Variants in GMDS observed in about 807,000 individuals in gnomAD.
GMDS encodes GDP-mannose 4,6-dehydratase, also known as GDP-mannose 4,6 dehydratase.
GMDS carries 20 observed loss-of-function variants against 49.9 expected under a neutral mutation model. The observed-to-expected ratio is 0.40, with a 90% CI of 0.28 to 0.58. The LOEUF (loss-of-function observed/expected upper bound fraction) is 0.58, where lower values mean the gene tolerates loss of function less well. GMDS is among the 20% of genes least tolerant of loss of function. The pLI is 0.42. For synonymous variants in GMDS, 177 were observed against 178.6 expected, an observed-to-expected ratio of 0.99 and a Z score of 0.07; for missense variants, 362 against 481.4, an observed-to-expected ratio of 0.75 and a Z score of 2.32.
intron 9 of GMDS, among the ~76,000 whole-genome samples, chr6:1,668,774 A>G (rs1180665478): frequency 1.3e-5 from 2 of 152,044 alleles, no homozygotes; most frequent in African/African-American, 4.8e-5. Context: ...AAAACAGAAC[A>G]CTCTCCATTA....
intron 6 of GMDS, among the ~76,000 whole-genome samples, chr6:1,957,929 A>T (rs987993225): frequency 1.3e-5 from 2 of 151,760 alleles, no homozygotes; most frequent in African/African-American, 2.4e-5. Context: ...CAGCTTCCCG[A>T]GTAGCTAGGA....
chr6:2,118,498 A>T (rs952928429), intron 2 of GMDS, among the ~76,000 whole-genome samples: 5 of 152,210 alleles, frequency 3.3e-5, no homozygotes, highest in African/African-American at 9.7e-5. Flanking sequence ...TTCTATTTCA[A>T]ACCAAAATTA....
intron 4 of GMDS, among the ~76,000 whole-genome samples, chr6:2,052,960 G>A (rs940354491): frequency 9.2e-5 from 14 of 152,130 alleles, no homozygotes; most frequent in African/African-American, 9.7e-5. Context: ...ACTTCTCATC[G>A]TTAGGAAACT....
chr6:2,099,531 T>C (rs961428692), intron 4 of GMDS, among the ~76,000 whole-genome samples: 5 of 152,134 alleles, frequency 3.3e-5, no homozygotes, highest in African/African-American at 4.8e-5. Context: ...AGTTCATGTA[T>C]ATTTATTTAC....
chr6:1,728,906 G>A (rs1338737185), intron 8 of GMDS, among the ~76,000 whole-genome samples: 2 of 145,992 alleles, frequency 1.4e-5, no homozygotes, highest in East Asian at 2.0e-4. Flanking sequence ...TTTAAACCAC[G>A]CTTTAAGACT....
At chr6:1,740,826 T>C (rs960029713) in intron 8 of GMDS, among the ~76,000 whole-genome samples, 1 of 152,154 alleles carries the variant, frequency 6.6e-6, no homozygotes, top group Non-Finnish European at 1.5e-5. Context: ...CAACTCCCCA[T>C]ATTATACGTA....
intron 9 of GMDS, among the ~76,000 whole-genome samples, chr6:1,681,922 T>A (rs1020824151): frequency 6.6e-6 from 1 of 152,288 alleles, no homozygotes; most frequent in East Asian, 1.9e-4. Context: ...TCTCAATTCT[T>A]GGGCTCAAGT....
At chr6:2,129,605 G>T (rs1775628351) in intron 1 of GMDS, among the ~76,000 whole-genome samples, 1 of 152,186 alleles carries the variant, frequency 6.6e-6, no homozygotes, top group Non-Finnish European at 1.5e-5. Flanking sequence ...TCTGCAAGAA[G>T]AGAAAGCACT....
At chr6:1,695,072 T>A (rs1227764520) in intron 9 of GMDS, among the ~76,000 whole-genome samples, 1 of 151,168 alleles carries the variant, frequency 6.6e-6, no homozygotes, top group Non-Finnish European at 1.5e-5. Flanking sequence ...ATGAGCAAAT[T>A]AAAAAAAAAT....
intron 4 of GMDS, among the ~76,000 whole-genome samples, chr6:2,033,321 C>T (rs756185003): frequency 3.9e-5 from 6 of 152,178 alleles, no homozygotes; most frequent in South Asian, 2.1e-4. Context: ...TGTTATACTG[C>T]TCTTAAATTA....
chr6:1,777,453 C>T (rs1440115808), intron 7 of GMDS, among the ~76,000 whole-genome samples: 2 of 152,296 alleles, frequency 1.3e-5, no homozygotes, highest in East Asian at 1.9e-4. Context: ...TCCAGATTTA[C>T]TGCTGAAGGC....
At chr6:1,659,972 G>A (rs1336949329) in intron 9 of GMDS, among the ~76,000 whole-genome samples, 1 of 151,686 alleles carries the variant, frequency 6.6e-6, no homozygotes, top group Non-Finnish European at 1.5e-5. Context: ...GCTCCCTGTG[G>A]TGCACCCCAA....
rs182307036 is a variant in GMDS at position 1,638,449 on chromosome 6, T to C, written c.988-13909A>G. On this transcript the variant is annotated intron_variant, in intron 9 of 10. Coordinates refer to ENST00000380815, the MANE Select transcript of GMDS (RefSeq NM_001500.4). The stretch of plus-strand genomic sequence containing the variant: ...AGGATGGCCATGATCCTGAACTTTA[T>C]ACTTATGAGCAGCTTAAACACAGGC... 2.0e-4 allele frequency among the ~76,000 whole-genome samples: 30 copies of C among 152,210 alleles called. No individual in the cohort carries two copies. The East Asian group carries it at 2.9e-3, about 15-fold the overall frequency.
rs375481340 is a variant in GMDS at position 1,832,813 on chromosome 6, C to T, written c.772-90227G>A. ...AAAGCGAACTTTTCATTTTCTGTCT[C>T]GTAAGTTCTGTCTTTGCCTGCCACA... On this transcript the variant is annotated intron_variant, in intron 7 of 10. Transcript: ENST00000380815. Among the ~76,000 whole-genome samples, 147 of 152,322 alleles carry T rather than the reference C, an allele frequency of 9.7e-4. 1 individual carries two copies. Among genetic ancestry groups the T allele is most frequent in the African/African-American group, 2.8e-3 (118 of 41,554 alleles).
chr6:2,214,775 A>G (rs1780243247), intron 1 of GMDS, among the ~76,000 whole-genome samples: 1 of 152,194 alleles, frequency 6.6e-6, no homozygotes, highest in South Asian at 2.1e-4. Flanking sequence ...TCAGCCTCCC[A>G]AAGTGCTGGG....
intron 9 of GMDS, among the ~76,000 whole-genome samples, chr6:1,690,377 A>G (rs919804607): frequency 4.6e-5 from 7 of 152,176 alleles, no homozygotes; most frequent in African/African-American, 1.7e-4. Context: ...TCTTTAATCC[A>G]TCTTGAGTTA....
intron 9 of GMDS, among the ~76,000 whole-genome samples, chr6:1,671,131 C>T (rs1393135828): frequency 6.6e-6 from 1 of 152,156 alleles, no homozygotes; most frequent in African/African-American, 2.4e-5. Flanking sequence ...CCCACGAAGG[C>T]CACAGAACAA....
At chr6:1,676,347 G>A (rs1764623334) in intron 9 of GMDS, among the ~76,000 whole-genome samples, 1 of 152,154 alleles carries the variant, frequency 6.6e-6, no homozygotes, top group Admixed American at 6.5e-5. Context: ...CGTGAAAATG[G>A]CCACACTGCC....
chr6:2,122,317 T>C (rs1248630888), intron 2 of GMDS, among the ~76,000 whole-genome samples: 1 of 152,174 alleles, frequency 6.6e-6, no homozygotes, highest in East Asian at 1.9e-4. Flanking sequence ...GAACCAGCCT[T>C]CTGTGTCTTA....
Sources: allele counts gnomAD v4.1 joint callset (sites outside exome capture counted in the v4.1 genomes callset), GRCh38; gene constraint gnomAD v4.1.1; transcripts MANE v1.5; gene names NCBI Gene and HGNC (gene_info 2026-07-23, HGNC 2026-07-21).